ABCG2: variants seen among roughly 807,000 people sequenced by gnomAD.
ABCG2 encodes broad substrate specificity ATP-binding cassette transporter ABCG2.
A neutral mutation model predicts 73.5 loss-of-function variants in ABCG2; 80 were observed. The ratio of observed to expected loss-of-function variants is 1.09; its 90% CI spans 0.91 to 1.31. The LOEUF (loss-of-function observed/expected upper bound fraction) is 1.31, where lower values mean the gene tolerates loss of function less well. Among genes scored for constraint, ABCG2 ranks in the 50% most tolerant of loss-of-function variants. ABCG2 has a pLI of 0.00. For missense variants in ABCG2, 796 were observed against 786.2 expected (o/e 1.01, Z -0.15); for synonymous variants, 269 against 282.4 (o/e 0.95, Z 0.48).
intron 1 of ABCG2, among the ~76,000 whole-genome samples, chr4:88,141,155 C>T (rs1052919015): frequency 1.3e-5 from 2 of 152,070 alleles, no homozygotes; most frequent in African/African-American, 4.8e-5. Context: ...CCCAAACAGT[C>T]CTCCTAAGCA....
At chr4:88,183,853 C>T (rs901182460) in intron 1 of ABCG2, among the ~76,000 whole-genome samples, 11 of 151,588 alleles carry the variant, frequency 7.3e-5, no homozygotes, top group African/African-American at 2.4e-4. Flanking sequence ...ACATTGAAAA[C>T]ATCATTTATC....
At chr4:88,196,538 T>A (rs1044887502) in intron 1 of ABCG2, among the ~76,000 whole-genome samples, 1 of 152,134 alleles carries the variant, frequency 6.6e-6, no homozygotes, top group Non-Finnish European at 1.5e-5. Flanking sequence ...AGCTGTCAAG[T>A]GCATCTCCTG....
intron 10 of ABCG2, among the ~76,000 whole-genome samples, chr4:88,104,012 G>C (rs75220934): frequency 6.6e-6 from 1 of 152,182 alleles, no homozygotes; most frequent in African/African-American, 2.4e-5. Flanking sequence ...AAATATGAGG[G>C]TGCAGAAATT....
At chr4:88,205,000 G>A (rs998762918) in intron 1 of ABCG2, among the ~76,000 whole-genome samples, 4 of 152,212 alleles carry the variant, frequency 2.6e-5, no homozygotes, top group Admixed American at 6.5e-5. Context: ...AGACTGTCTT[G>A]AACAACTTGC....
rs1721594691 is a variant in ABCG2 at position 88,090,810 on chromosome 4, T to C, written c.*1424A>G. 6.6e-6 allele frequency: 1 copy of C among 152,228 alleles called. No homozygotes were observed. The allele number at this position is 152,228 out of a possible 1,614,324, so 9.4% of individuals were successfully genotyped here. On this transcript the variant is annotated 3_prime_UTR_variant, in exon 16 of 16. Coordinates refer to ENST00000237612, the MANE Select transcript of ABCG2 (RefSeq NM_004827.3). ...GGTGAAATCTGAATATTGTGTGCAGTTTAATTAACAGTGATTGTACCAATG... is the reference window on the plus strand; with the variant it reads ...GGTGAAATCTGAATATTGTGTGCAGCTTAATTAACAGTGATTGTACCAATG...
chr4:88,131,030 G>A (rs766326161), intron 5 of ABCG2, 31 bp downstream of exon 5: 4 of 1,612,288 alleles, frequency 2.5e-6, no homozygotes, highest in East Asian at 2.2e-5. Flanking sequence ...TACTTATGCT[G>A]ATCATGATGC....
chr4:88,204,418 TCAAACAAACAAA>T (rs553150381), intron 1 of ABCG2, among the ~76,000 whole-genome samples: 3 of 151,988 alleles, frequency 2.0e-5, no homozygotes, highest in African/African-American at 4.8e-5. Flanking sequence ...AGACTCCATC[TCAAACAAACAAA>T]CAAACAAACA....
chr4:88,227,033 G>C (rs922978251), intron 1 of ABCG2, among the ~76,000 whole-genome samples: 3 of 152,114 alleles, frequency 2.0e-5, no homozygotes, highest in African/African-American at 7.2e-5. Flanking sequence ...CCTTGAGGTA[G>C]AGGCTGTAGT....
chr4:88,095,695 C>T, intron 13 of ABCG2, 86 bp from the exon 14 acceptor site: 2 of 1,043,110 alleles, frequency 1.9e-6, no homozygotes, highest in Non-Finnish European at 2.9e-6. Flanking sequence ...GTCCCTACCA[C>T]TTTGTAAGTA....
chr4:88,156,231 C>G (rs1329579764), intron 1 of ABCG2, among the ~76,000 whole-genome samples: 1 of 151,654 alleles, frequency 6.6e-6, no homozygotes, highest in Non-Finnish European at 1.5e-5. Flanking sequence ...AAAAAGTAGC[C>G]AAGTGTGGTG....
intron 6 of ABCG2, 111 bp from the exon 7 acceptor site, chr4:88,118,371 T>G (rs1157505828): frequency 8.7e-7 from 1 of 1,155,620 alleles, no homozygotes. Flanking sequence ...AGCCTGACTT[T>G]GTCTTACTAA....
At chr4:88,140,697 C>G (rs1725578403) in intron 1 of ABCG2, among the ~76,000 whole-genome samples, 1 of 152,064 alleles carries the variant, frequency 6.6e-6, no homozygotes, top group South Asian at 2.1e-4. Flanking sequence ...TCAAAAGGGG[C>G]TTAGCCAAGC....
chr4:88,132,622 G>A lies in ABCG2; in HGVS notation c.217C>T (p.Pro73Ser). ...ILSNINGIMK[P>S]GLNAILGPTG... ...GGTCCCAGGATGGCGTTGAGACCAGGTTTCATGATCCCACTGTAAACACAA... is the reference window on the plus strand; with the variant it reads ...GGTCCCAGGATGGCGTTGAGACCAGATTTCATGATCCCACTGTAAACACAA... Residue 73 changes from proline to serine, a missense_variant, in exon 3 of 16, where the codon CCT (proline) becomes TCT (serine). Physicochemically the swap from Pro to Ser is moderately conservative, Grantham distance 74. Coordinates refer to ENST00000237612, the MANE Select transcript of ABCG2 (RefSeq NM_004827.3). The A allele has an allele frequency of 6.2e-7, 1 of 1,614,110 alleles. No individual in the cohort carries two copies. Among genetic ancestry groups the A allele is most frequent in the Non-Finnish European group, 8.5e-7 (1 of 1,180,004 alleles).
chr4:88,164,392 C>G (rs886178564), intron 1 of ABCG2, among the ~76,000 whole-genome samples: 10 of 152,154 alleles, frequency 6.6e-5, no homozygotes, highest in African/African-American at 2.4e-4. Flanking sequence ...CCCATAATCC[C>G]CACGTGTTGC....
chr4:88,207,948 GAT>G (rs1306431716), intron 1 of ABCG2, among the ~76,000 whole-genome samples: 3 of 152,136 alleles, frequency 2.0e-5, no homozygotes, highest in African/African-American at 7.2e-5. Context: ...ATCAATATAA[GAT>G]AACTAAAGTT....
chr4:88,135,759 T>G (rs1725206671), intron 2 of ABCG2, among the ~76,000 whole-genome samples: 1 of 152,228 alleles, frequency 6.6e-6, no homozygotes, highest in African/African-American at 2.4e-5. Flanking sequence ...ATTTCTGCAT[T>G]TTTATAAATG....
intron 6 of ABCG2, among the ~76,000 whole-genome samples, chr4:88,118,938 C>T (rs1723776125): frequency 6.6e-6 from 1 of 152,140 alleles, no homozygotes; most frequent in Non-Finnish European, 1.5e-5. Flanking sequence ...TGGTCTAAGT[C>T]CATGACCAAA....
In ABCG2 at chr4:88,090,706, C is replaced by G. The variant is rs1237802365; in HGVS notation, c.*1528G>C. On this transcript the variant is annotated 3_prime_UTR_variant, in exon 16 of 16. Transcript: ENST00000237612. ...TCCTGTAAGTGCTGAAAAGTATTTA[C>G]TTTTAAAAAAGAGGGCTAGATGAAA... is the stretch of plus-strand genomic sequence containing the variant. The G allele has an allele frequency of 6.6e-6, 1 of 152,130 alleles. No individual in the cohort carries two copies. The highest frequency in any genetic ancestry group is 1.5e-5 in the Non-Finnish European group (1 of 68,020). 9.4% of individuals were successfully genotyped at this position (152,130 alleles called of 1,614,324 possible).
intron 1 of ABCG2, among the ~76,000 whole-genome samples, chr4:88,181,048 T>A (rs1157594336): frequency 6.6e-6 from 1 of 152,104 alleles, no homozygotes; most frequent in Non-Finnish European, 1.5e-5. Flanking sequence ...AGCATTTTTA[T>A]TAGTTTTCTC....
Sources: gnomAD v4.1 joint callset for allele counts (sites outside exome capture counted in the v4.1 genomes callset) on GRCh38, gnomAD v4.1.1 for gene constraint, MANE v1.5 for transcripts, NCBI Gene and HGNC (gene_info 2026-07-23, HGNC 2026-07-21) for gene names.